Variants in GALNT17 observed in about 807,000 individuals in gnomAD.
GALNT17 encodes the protein UDP-GalNAc:polypeptide N-acetylgalactosaminyltransferase-like 3.
Under a neutral mutation model 63.7 loss-of-function variants are expected in GALNT17, and 29 were observed. The observed-to-expected ratio is 0.46, with a 90% confidence interval of 0.34 to 0.62. The LOEUF is 0.62. Ranked by LOEUF, GALNT17 falls within the 20% of genes least tolerant of loss-of-function variation. GALNT17 has a pLI of 0.01. For synonymous variants in GALNT17, 305 were observed against 318.3 expected (o/e 0.96, Z 0.45); for missense variants, 603 against 799.6 (o/e 0.75, Z 2.97).
At chr7:71,563,962 C>T (rs1005204561) in intron 5 of GALNT17, among the ~76,000 whole-genome samples, 7 of 152,130 alleles carry the variant, frequency 4.6e-5, no homozygotes, top group South Asian at 4.1e-4. Context: ...TGAGCTAAAG[C>T]GATCCTCCTG....
chr7:71,660,622 T>TC (rs1176566382), intron 6 of GALNT17, among the ~76,000 whole-genome samples: 3 of 152,208 alleles, frequency 2.0e-5, no homozygotes, highest in Non-Finnish European at 2.9e-5. Context: ...ACTGGATCGT[T>TC]CCCTTTAGAG....
At chr7:71,276,534 A>C (rs1231122001) in intron 1 of GALNT17, among the ~76,000 whole-genome samples, 1 of 152,110 alleles carries the variant, frequency 6.6e-6, no homozygotes, top group Non-Finnish European at 1.5e-5. Context: ...CATGATAGTG[A>C]ATAAGTCTTA....
At chr7:71,642,219 G>A (rs895997896) in intron 6 of GALNT17, among the ~76,000 whole-genome samples, 6 of 152,190 alleles carry the variant, frequency 3.9e-5, no homozygotes, top group African/African-American at 1.4e-4. Context: ...CAGCAGGCCA[G>A]AAAGCTATTG....
chr7:71,694,414 GTT>G, intron 9 of GALNT17, among the ~76,000 whole-genome samples: 1 of 145,986 alleles, frequency 6.8e-6, no homozygotes, highest in Non-Finnish European at 1.5e-5. Flanking sequence ...CTGAAGTGCA[GTT>G]GCACAATCTC....
chr7:71,343,391 A>G (rs1429335813), intron 2 of GALNT17, among the ~76,000 whole-genome samples: 1 of 152,252 alleles, frequency 6.6e-6, no homozygotes, highest in Non-Finnish European at 1.5e-5. Context: ...TTTTATTGCT[A>G]TATTACACTT....
chr7:71,377,099 AATAAAAATAAAAAAAATAT>A (rs1563047373), intron 2 of GALNT17, among the ~76,000 whole-genome samples: 1 of 56,544 alleles, frequency 1.8e-5, no homozygotes, highest in East Asian at 3.6e-4. Flanking sequence ...AAAAAAAAAA[AATAAAAATAAAAAAAATAT>A]ATATATATAT....
chr7:71,445,160 CCTTTTTTTTTCTTTCTTT>C (rs1488994380), intron 5 of GALNT17, among the ~76,000 whole-genome samples: 2 of 150,084 alleles, frequency 1.3e-5, no homozygotes, highest in Admixed American at 1.3e-4. Context: ...GGTGGAGCCA[CCTTTTTTTTTCTTTCTTT>C]CTTTTTTTTT....
chr7:71,306,183 G>A (rs1791291476), intron 1 of GALNT17, among the ~76,000 whole-genome samples: 1 of 152,198 alleles, frequency 6.6e-6, no homozygotes, highest in African/African-American at 2.4e-5. Context: ...TCGCATCATT[G>A]CACTCCAGCA....
At chr7:71,444,060 T>G (rs1787117114) in intron 5 of GALNT17, among the ~76,000 whole-genome samples, 1 of 152,196 alleles carries the variant, frequency 6.6e-6, no homozygotes. Context: ...CAAAATGGAC[T>G]AAGACATCCT....
At chr7:71,484,770 C>G (rs1236532553) in intron 5 of GALNT17, among the ~76,000 whole-genome samples, 2 of 147,468 alleles carry the variant, frequency 1.4e-5, no homozygotes, top group Non-Finnish European at 3.0e-5. Context: ...TGAACCCAGA[C>G]TGATACACTG....
At chr7:71,271,713 C>T (rs908752899) in intron 1 of GALNT17, among the ~76,000 whole-genome samples, 1 of 152,164 alleles carries the variant, frequency 6.6e-6, no homozygotes, top group African/African-American at 2.4e-5. Context: ...TGGTCAGTCT[C>T]CAACTCATCC....
At chr7:71,567,137 C>A (rs1024385950) in intron 5 of GALNT17, among the ~76,000 whole-genome samples, 1 of 152,176 alleles carries the variant, frequency 6.6e-6, no homozygotes, top group Non-Finnish European at 1.5e-5. Flanking sequence ...GTTTGGTTAA[C>A]TGAGGCCAGG....
At chr7:71,567,836 G>C (rs767656685) in intron 5 of GALNT17, among the ~76,000 whole-genome samples, 1 of 152,188 alleles carries the variant, frequency 6.6e-6, no homozygotes, top group Non-Finnish European at 1.5e-5. Flanking sequence ...GGCAGCACCA[G>C]CGTTTAACTA....
intron 9 of GALNT17, among the ~76,000 whole-genome samples, chr7:71,683,813 G>T (rs899990831): frequency 2.6e-5 from 4 of 152,058 alleles, no homozygotes; most frequent in African/African-American, 9.7e-5. Context: ...TTTGAGACCA[G>T]CCTGGCCAAC....
chr7:71,193,151 T>A (rs1324105142), intron 1 of GALNT17, among the ~76,000 whole-genome samples: 2 of 151,912 alleles, frequency 1.3e-5, no homozygotes, highest in Non-Finnish European at 2.9e-5. Context: ...CAGGCTGGAG[T>A]GCAGTGGTGC....
intron 7 of GALNT17, among the ~76,000 whole-genome samples, chr7:71,668,552 A>G (rs974766705): frequency 6.7e-6 from 1 of 148,336 alleles, no homozygotes; most frequent in African/African-American, 2.5e-5. Context: ...TTCATGGATC[A>G]TACTAAATAT....
At chr7:71,433,735 G>C (rs1439386238) in intron 5 of GALNT17, among the ~76,000 whole-genome samples, 1 of 152,196 alleles carries the variant, frequency 6.6e-6, no homozygotes, top group East Asian at 1.9e-4. Flanking sequence ...GGTCATGGTA[G>C]AGTCCTGAGT....
chr7:71,383,478 G>T (rs529445296), intron 2 of GALNT17, among the ~76,000 whole-genome samples: 1 of 151,672 alleles, frequency 6.6e-6, no homozygotes. Flanking sequence ...TTGCTCTGTC[G>T]CCCAGACTAG....
At chr7:71,263,346 G>A (rs1583810231) in intron 1 of GALNT17, among the ~76,000 whole-genome samples, 2 of 152,028 alleles carry the variant, frequency 1.3e-5, no homozygotes, top group South Asian at 2.1e-4. Flanking sequence ...GCCGCAGAGC[G>A]AGACTCCAAA....
Sources: gnomAD v4.1 joint callset for allele counts (sites outside exome capture counted in the v4.1 genomes callset) on GRCh38, gnomAD v4.1.1 for gene constraint, MANE v1.5 for transcripts, NCBI Gene and HGNC (gene_info 2026-07-23, HGNC 2026-07-21) for gene names.